XIRP2: variants seen among roughly 807,000 people sequenced by gnomAD.
XIRP2 encodes xin actin-binding repeat-containing protein 2.
Under a neutral mutation model 277.0 loss-of-function variants are expected in XIRP2, and 236 were observed. The ratio of observed to expected loss-of-function variants is 0.85; its 90% CI spans 0.77 to 0.95. The LOEUF (loss-of-function observed/expected upper bound fraction) is 0.95. Among genes scored for constraint, XIRP2 ranks in the 40% least tolerant of loss-of-function variants. The pLI is 0.00. For synonymous variants in XIRP2, 1,490 were observed against 1,416.5 expected, an observed-to-expected ratio of 1.05 and a Z score of -1.17; for missense variants, 4,640 against 4,157.5, an observed-to-expected ratio of 1.12 and a Z score of -3.19.
intron 2 of XIRP2, among the ~76,000 whole-genome samples, chr2:166,930,465 C>T (rs1174519258): frequency 1.3e-5 from 2 of 152,072 alleles, no homozygotes; most frequent in African/African-American, 2.4e-5. Context: ...TTGGGTTTCT[C>T]TTTATAACAT....
At chr2:166,908,046 G>C (rs1315395257) in intron 2 of XIRP2, among the ~76,000 whole-genome samples, 1 of 151,968 alleles carries the variant, frequency 6.6e-6, no homozygotes, top group East Asian at 1.9e-4. Context: ...CCAAGTCTTT[G>C]CTATTGTGAA....
Position 167,251,418 on chromosome 2 carries a change from T to A in XIRP2, c.10026T>A (p.His3342Gln). 6.2e-7 allele frequency: 1 copy of A among 1,613,590 alleles called. No individual in the cohort carries two copies. The highest frequency in any genetic ancestry group is 8.5e-7 in the Non-Finnish European group (1 of 1,179,668). ...ACAGATGGTTCAGGGAATTTGAGCA[T>A]GGCCCAGTTTCTGAAGCAAAGTCAA... ...EINRWFREFE[H>Q]GPVSEAKSNR... The change falls in exon 9 of 11, where the codon CAT becomes CAA. Residue 3342 changes from histidine (H) to glutamine (Q), a missense_variant. Physicochemically the swap from His to Gln is conservative, Grantham distance 24. Transcript: ENST00000409195.
intron 3 of XIRP2, among the ~76,000 whole-genome samples, chr2:167,175,419 C>G (rs747947283): frequency 5.9e-5 from 9 of 152,076 alleles, no homozygotes; most frequent in African/African-American, 2.2e-4. Flanking sequence ...CTGGAGTTTG[C>G]TGGAGGTCCA....
intron 2 of XIRP2, among the ~76,000 whole-genome samples, chr2:167,082,868 G>A (rs1351801941): frequency 1.3e-5 from 2 of 152,038 alleles, no homozygotes; most frequent in African/African-American, 4.8e-5. Flanking sequence ...AGTAGGTTGT[G>A]AACATTTTCT....
chr2:167,129,954 T>C (rs750760336), intron 2 of XIRP2, among the ~76,000 whole-genome samples: 20 of 152,224 alleles, frequency 1.3e-4, no homozygotes, highest in Admixed American at 1.0e-3. Context: ...GCTTTCCTCG[T>C]TTTGAAGAGT....
chr2:166,930,484 A>G (rs6709784), intron 2 of XIRP2, among the ~76,000 whole-genome samples: 29,217 of 152,112 alleles, frequency 0.19, 3,535 homozygotes, highest in Admixed American at 0.28. Flanking sequence ...ATATATTTCA[A>G]TAGACTCATG....
intron 3 of XIRP2, among the ~76,000 whole-genome samples, chr2:167,143,323 T>C (rs903712215): frequency 1.3e-5 from 2 of 152,132 alleles, no homozygotes; most frequent in East Asian, 1.9e-4. Flanking sequence ...CAACTACTTA[T>C]GTCCGTGGGC....
At chr2:167,201,892 GT>G (rs914014294) in intron 3 of XIRP2, among the ~76,000 whole-genome samples, 5 of 152,046 alleles carry the variant, frequency 3.3e-5, no homozygotes, top group African/African-American at 1.2e-4. Context: ...GTTGAAAGTT[GT>G]ATGCAGAAAT....
intron 2 of XIRP2, among the ~76,000 whole-genome samples, chr2:167,129,112 G>A (rs1691300285): frequency 6.6e-6 from 1 of 152,270 alleles, no homozygotes; most frequent in Non-Finnish European, 1.5e-5. Context: ...AGATGGGACA[G>A]TAACACAGCA....
At chr2:167,187,790 G>A (rs1005963303) in intron 3 of XIRP2, among the ~76,000 whole-genome samples, 2 of 152,100 alleles carry the variant, frequency 1.3e-5, no homozygotes, top group African/African-American at 4.8e-5. Context: ...TTGATAAACA[G>A]TCATGAGTTA....
At chr2:166,893,162 G>A (rs1409201009) in intron 1 of XIRP2, among the ~76,000 whole-genome samples, 2 of 151,658 alleles carry the variant, frequency 1.3e-5, no homozygotes, top group Non-Finnish European at 2.9e-5. Flanking sequence ...TGAGAATATT[G>A]GAATTTGATG....
At chr2:167,148,768 A>G (rs1259302994) in intron 3 of XIRP2, among the ~76,000 whole-genome samples, 5 of 152,202 alleles carry the variant, frequency 3.3e-5, no homozygotes, top group Non-Finnish European at 7.3e-5. Context: ...GAAAGGAAAT[A>G]GACTTAAATG....
At chr2:167,209,193 G>A (rs1693949435) in intron 3 of XIRP2, among the ~76,000 whole-genome samples, 1 of 152,162 alleles carries the variant, frequency 6.6e-6, no homozygotes, top group South Asian at 2.1e-4. Context: ...AGTATGTTAA[G>A]TATTTTTACT....
rs186789473 is a variant in XIRP2, at chr2:167,191,140, C to T, written c.563-19595C>T. On this transcript the variant is annotated intron_variant, in intron 3 of 10. Coordinates refer to ENST00000409195, the MANE Select transcript of XIRP2 (RefSeq NM_152381.6). ...GGTTGAGGCTGCGATAAACCATGAT[C>T]GTGCCACTGCACTCCAGCCCGGGTG... is the stretch of plus-strand genomic sequence containing the variant. 4.0e-3 allele frequency among the ~76,000 whole-genome samples: 584 copies of T among 146,214 alleles called. 5 individuals carry two copies. Among genetic ancestry groups the T allele is most frequent in the African/African-American group, 0.011 (447 of 39,258 alleles).
chr2:167,052,018 T>C (rs1688925832), intron 2 of XIRP2, among the ~76,000 whole-genome samples: 1 of 152,082 alleles, frequency 6.6e-6, no homozygotes, highest in African/African-American at 2.4e-5. Context: ...TGGGTTATTT[T>C]ATTGCTAAGA....
At chr2:166,942,749 T>A (rs1255677546) in intron 2 of XIRP2, among the ~76,000 whole-genome samples, 1 of 152,166 alleles carries the variant, frequency 6.6e-6, no homozygotes. Flanking sequence ...CATACTTGTA[T>A]TAGAAAAGAA....
intron 2 of XIRP2, among the ~76,000 whole-genome samples, chr2:166,976,925 T>C (rs1043612168): frequency 2.0e-5 from 3 of 152,174 alleles, no homozygotes; most frequent in African/African-American, 7.2e-5. Context: ...ATCTCAATGT[T>C]CATTTACCTC....
At chr2:167,217,897 A>G (rs2105399936) in intron 4 of XIRP2, among the ~76,000 whole-genome samples, 1 of 152,290 alleles carries the variant, frequency 6.6e-6, no homozygotes, top group African/African-American at 2.4e-5. Context: ...TTATCTGCAG[A>G]CATCAAAATT....
chr2:167,257,312 G>A (rs905888422), intron 10 of XIRP2, among the ~76,000 whole-genome samples: 2 of 151,932 alleles, frequency 1.3e-5, no homozygotes, highest in Middle Eastern at 3.4e-3. Flanking sequence ...CTATCTTGTT[G>A]ATGTATCTGT....
Sources: allele counts gnomAD v4.1 joint callset (sites outside exome capture counted in the v4.1 genomes callset), GRCh38; gene constraint gnomAD v4.1.1; transcripts MANE v1.5; gene names NCBI Gene and HGNC (gene_info 2026-07-23, HGNC 2026-07-21).